The following ZNF286A variants were observed in gnomAD, a reference collection of about 807,000 sequenced individuals.
ZNF286A encodes zinc finger protein 286A.
A neutral mutation model predicts 49.3 loss-of-function variants in ZNF286A; 34 were observed. That is an observed-to-expected ratio of 0.69 (90% CI 0.52 to 0.92). ZNF286A has a LOEUF of 0.92. Ranked by LOEUF, ZNF286A falls within the 40% of genes least tolerant of loss-of-function variation. The pLI, the probability that ZNF286A is intolerant of heterozygous loss-of-function variation, is 0.00. For synonymous variants in ZNF286A, 155 were observed against 200.4 expected, an observed-to-expected ratio of 0.77 and a Z score of 1.91; for missense variants, 462 against 600.2, an observed-to-expected ratio of 0.77 and a Z score of 2.41.
chr17:15,716,160 A>G lies in ZNF286A; in HGVS notation c.436A>G (p.Ser146Gly). Residue 146 changes from serine (S) to glycine (G), a missense_variant, in exon 6 of 6, where the codon AGT (serine) becomes GGT (glycine). By Grantham distance (56) the Ser-to-Gly change is moderately conservative. Coordinates refer to ENST00000583566, the MANE Select transcript of ZNF286A (RefSeq NM_001130842.2). ...VAIIDRLTRN[S>G]VYDSNLEAAL... The stretch of plus-strand genomic sequence containing the variant: ...AATAATAGACAGACTGACACGGAAT[A>G]GTGTCTATGACTCTAACTTGGAAGC... The G allele has an allele frequency of 6.2e-7, 1 of 1,613,902 alleles. No individual in the cohort carries two copies. Among genetic ancestry groups the G allele is most frequent in the South Asian group, 1.1e-5 (1 of 91,078 alleles).
chr17:15,715,766 A>G (rs1967010716), intron 5 of ZNF286A, among the ~76,000 whole-genome samples: 2 of 152,086 alleles, frequency 1.3e-5, no homozygotes, highest in Admixed American at 6.5e-5. Context: ...TGATCTGTGT[A>G]CTCATTGTCT....
chr17:15,716,928 A>C lies in ZNF286A; in HGVS notation c.1204A>C (p.Arg402=). The change falls in exon 6 of 6, where the codon AGA becomes CGA. Residue 402 remains arginine (R), a synonymous_variant. Transcript: ENST00000583566. ...TTGCTCATCCCTAACTAAGCATCAG[A>C]GAGTTCATACTGGAGAAAAGCCATA... ...SHCSSLTKHQ[R]VHTGEKPYEC... 5.0e-6 allele frequency: 8 copies of C among 1,611,302 alleles called. No homozygotes were observed. Among genetic ancestry groups the C allele is most frequent in the Non-Finnish European group, 5.9e-6 (7 of 1,178,086 alleles).
At chr17:15,702,847 T>C (rs1300586090) in intron 3 of ZNF286A, among the ~76,000 whole-genome samples, 1 of 152,242 alleles carries the variant, frequency 6.6e-6, no homozygotes, top group Non-Finnish European at 1.5e-5. Context: ...TGGCTACATA[T>C]AGGGCTCAAA....
intron 4 of ZNF286A, 77 bp downstream of exon 4, chr17:15,706,578 G>T (rs1434169128): frequency 1.8e-6 from 2 of 1,116,240 alleles, no homozygotes; most frequent in African/African-American, 3.2e-5. Context: ...GCTTAACAAA[G>T]CCTTCACCTT....
chr17:15,705,552 GTTA>G (rs1297198994), intron 3 of ZNF286A, among the ~76,000 whole-genome samples: 5 of 151,920 alleles, frequency 3.3e-5, no homozygotes, highest in African/African-American at 4.8e-5. Flanking sequence ...TATTTTCTCA[GTTA>G]TTATAAATTA....
intron 3 of ZNF286A, among the ~76,000 whole-genome samples, chr17:15,705,508 T>C (rs1424660955): frequency 6.6e-6 from 1 of 152,222 alleles, no homozygotes; most frequent in African/African-American, 2.4e-5. Flanking sequence ...GCATTTTTTT[T>C]CCTATTTTAT....
intron 4 of ZNF286A, 39 bp downstream of exon 4, chr17:15,706,540 G>A (rs781221275): frequency 7.0e-7 from 1 of 1,427,526 alleles, no homozygotes; most frequent in Non-Finnish European, 9.5e-7. Flanking sequence ...GCTTATAGGA[G>A]CATCATTACT....
At chr17:15,702,213 CTT>C (rs1235874413) in intron 3 of ZNF286A, among the ~76,000 whole-genome samples, 1 of 151,160 alleles carries the variant, frequency 6.6e-6, no homozygotes, top group Non-Finnish European at 1.5e-5. Context: ...ATGTTTGAAA[CTT>C]TTATTAAAAG....
rs1428662611 is a variant in ZNF286A at position 15,720,336 on chromosome 17, G to T, written c.*3046G>T. 6.6e-6 allele frequency: 1 copy of T among 151,110 alleles called. No individual in the cohort carries two copies. Among genetic ancestry groups the T allele is most frequent in the African/African-American group, 2.4e-5 (1 of 40,960 alleles). 9.4% of individuals were successfully genotyped at this position (151,110 alleles called of 1,614,324 possible). ...CATCCGTCAGTAGAAGTTACTTAAGGTTGGCTGTGTCTTCCACATCTTTTG... is the reference window on the plus strand; with the variant it reads ...CATCCGTCAGTAGAAGTTACTTAAGTTTGGCTGTGTCTTCCACATCTTTTG... On this transcript the variant is annotated 3_prime_UTR_variant, in exon 6 of 6. Transcript: ENST00000583566.
intron 5 of ZNF286A, among the ~76,000 whole-genome samples, chr17:15,710,134 C>T (rs1356035451): frequency 6.6e-6 from 1 of 152,258 alleles, no homozygotes; most frequent in South Asian, 2.1e-4. Flanking sequence ...TATCTTTTCT[C>T]TTGATTTGGT....
chr17:15,715,623 A>G (rs1966995531), intron 5 of ZNF286A, among the ~76,000 whole-genome samples: 1 of 152,112 alleles, frequency 6.6e-6, no homozygotes, highest in Non-Finnish European at 1.5e-5. Context: ...AATGGAATAC[A>G]TATTTGGATG....
Position 15,717,930 on chromosome 17 carries a change from A to G in ZNF286A, c.*640A>G, listed in dbSNP as rs911593210. The G allele has an allele frequency of 1.0e-5, 1 of 97,006 alleles. No homozygotes were observed. Among genetic ancestry groups the G allele is most frequent in the African/African-American group, 4.4e-5 (1 of 22,662 alleles). The allele number at this position is 97,006 out of a possible 1,614,324, so 6.0% of individuals were successfully genotyped here. On this transcript the variant is annotated 3_prime_UTR_variant, in exon 6 of 6. Coordinates refer to ENST00000583566, the MANE Select transcript of ZNF286A (RefSeq NM_001130842.2). ...TTCACATGGATTATGTACATCATTG[A>G]TTTTTTTTTTTTTTTTTTTTTGAGA...
Position 15,716,936 on chromosome 17 carries a change from T to C in ZNF286A, c.1212T>C (p.His404=). 3 of 1,611,300 alleles carry C rather than the reference T, an allele frequency of 1.9e-6. No individual in the cohort carries two copies. The highest frequency in any genetic ancestry group is 2.5e-6 in the Non-Finnish European group (3 of 1,178,110). Residue 404 remains histidine (H), a synonymous_variant, in exon 6 of 6, where the codon CAT becomes CAC. Coordinates refer to ENST00000583566, the MANE Select transcript of ZNF286A (RefSeq NM_001130842.2). ...CCCTAACTAAGCATCAGAGAGTTCA[T>C]ACTGGAGAAAAGCCATATGAATGCA... is the stretch of plus-strand genomic sequence containing the variant. ...CSSLTKHQRV[H]TGEKPYECSE... is the part of the protein sequence containing the mutation.
At chr17:15,701,942 G>A (rs762850541) in intron 3 of ZNF286A, among the ~76,000 whole-genome samples, 8 of 151,952 alleles carry the variant, frequency 5.3e-5, no homozygotes, top group South Asian at 2.1e-4. Context: ...CTAACACGGT[G>A]AAACCCCGTC....
chr17:15,706,585 C>A (rs1199427820), intron 4 of ZNF286A, 84 bp downstream of exon 4: 36 of 1,033,442 alleles, frequency 3.5e-5, no homozygotes, highest in Non-Finnish European at 4.6e-5. Context: ...AAAGCCTTCA[C>A]CTTTGCATTC....
intron 3 of ZNF286A, among the ~76,000 whole-genome samples, chr17:15,705,163 A>G (rs1382808876): frequency 6.6e-6 from 1 of 152,212 alleles, no homozygotes. Context: ...AATTTTAGAC[A>G]TAAGAAGTGT....
In ZNF286A at chr17:15,718,424, CT is replaced by C. The variant is rs1180086723; in HGVS notation, c.*1136del. 7 of 148,720 alleles carry C rather than the reference CT, an allele frequency of 4.7e-5. No individual in the cohort carries two copies. Among genetic ancestry groups the C allele is most frequent in the African/African-American group, 1.0e-4 (4 of 39,820 alleles). The allele number at this position is 148,720 out of a possible 1,614,324, so 9.2% of individuals were successfully genotyped here. A position where few individuals can be genotyped will look rare whatever the true frequency, so the allele number is the denominator to read the frequency against. On this transcript the variant is annotated 3_prime_UTR_variant, in exon 6 of 6. Transcript: ENST00000583566. Reference sequence around the variant, plus strand: ...TTCCATAATCAAAGGGTGAGGGAGACTTCTTTTGTCTACATTATTCAGCTTT... The same window carrying C: ...TTCCATAATCAAAGGGTGAGGGAGACTCTTTTGTCTACATTATTCAGCTTT...
intron 5 of ZNF286A, chr17:15,709,671 T>A (rs1444234358): frequency 2.2e-5 from 16 of 727,246 alleles, no homozygotes; most frequent in Non-Finnish European, 3.0e-5. Context: ...CACTTTTTCT[T>A]ATGTAGTCTG....
rs1220165473 is a variant in ZNF286A at position 15,718,253 on chromosome 17, A to G, written c.*963A>G. 2 of 151,352 alleles carry G rather than the reference A, an allele frequency of 1.3e-5. No homozygotes were observed. Among genetic ancestry groups the G allele is most frequent in the Admixed American group, 1.3e-4 (2 of 15,158 alleles). 9.4% of individuals were successfully genotyped at this position (151,352 alleles called of 1,614,324 possible). Reference sequence around the variant, plus strand: ...CCTGGCATCATCATTGATTTATGTCATTGTTATCCCTCTACCGCGGAGACC... The same window carrying G: ...CCTGGCATCATCATTGATTTATGTCGTTGTTATCCCTCTACCGCGGAGACC... On this transcript the variant is annotated 3_prime_UTR_variant, in exon 6 of 6. Transcript: ENST00000583566.
Sources: allele counts gnomAD v4.1 joint callset (sites outside exome capture counted in the v4.1 genomes callset), GRCh38; gene constraint gnomAD v4.1.1; transcripts MANE v1.5; gene names NCBI Gene and HGNC (gene_info 2026-07-23, HGNC 2026-07-21).